Variants in CDH2 observed in about 807,000 individuals in gnomAD.
The protein encoded by CDH2 is cadherin-2.
A neutral mutation model predicts 92.0 loss-of-function variants in CDH2; 17 were observed. That is an observed-to-expected ratio of 0.18 (90% CI 0.13 to 0.28). The LOEUF (loss-of-function observed/expected upper bound fraction) is 0.28. CDH2 is among the 10% of genes least tolerant of loss of function. The pLI is 1.00. For synonymous variants in CDH2, 419 were observed against 415.9 expected, an observed-to-expected ratio of 1.01 and a Z score of -0.09; for missense variants, 862 against 1,133.1, an observed-to-expected ratio of 0.76 and a Z score of 3.44.
At chr18:28,006,899 G>A (rs918920800) in intron 5 of CDH2, among the ~76,000 whole-genome samples, 1 of 151,420 alleles carries the variant, frequency 6.6e-6, no homozygotes, top group Non-Finnish European at 1.5e-5. Context: ...TGGGCACAGT[G>A]AGTAGCTCAT....
chr18:28,051,746 G>A (rs1008590655), intron 2 of CDH2, among the ~76,000 whole-genome samples: 2 of 152,074 alleles, frequency 1.3e-5, no homozygotes, highest in African/African-American at 2.4e-5. Flanking sequence ...AATCTATAGG[G>A]AAACTACATG....
intron 14 of CDH2, among the ~76,000 whole-genome samples, chr18:27,969,460 C>T (rs2011605385): frequency 1.3e-5 from 2 of 152,180 alleles, no homozygotes; most frequent in South Asian, 4.1e-4. Flanking sequence ...TATAGGTTCA[C>T]TCTTTGATGT....
intron 5 of CDH2, among the ~76,000 whole-genome samples, chr18:28,007,942 C>A (rs1253210005): frequency 1.3e-5 from 2 of 152,116 alleles, no homozygotes; most frequent in African/African-American, 4.8e-5. Flanking sequence ...CCATGTTGGC[C>A]AGGCTGGTCT....
chr18:28,081,515 G>A (rs548942283), intron 2 of CDH2, among the ~76,000 whole-genome samples: 37 of 152,300 alleles, frequency 2.4e-4, no homozygotes, highest in Non-Finnish European at 4.6e-4. Flanking sequence ...TAAACTAGCT[G>A]TAATATTTTA....
intron 7 of CDH2, among the ~76,000 whole-genome samples, chr18:28,000,173 G>A (rs1165926375): frequency 6.6e-6 from 1 of 152,158 alleles, no homozygotes; most frequent in African/African-American, 2.4e-5. Context: ...GTGCAATCAC[G>A]GCTCACTGCA....
At chr18:27,955,201 C>T (rs559651295) in intron 15 of CDH2, among the ~76,000 whole-genome samples, 1 of 151,836 alleles carries the variant, frequency 6.6e-6, no homozygotes, top group South Asian at 2.1e-4. Flanking sequence ...ATGTCAACAC[C>T]AAACTGGAAA....
chr18:28,016,066 A>G (rs919676570), intron 2 of CDH2, among the ~76,000 whole-genome samples: 2 of 152,226 alleles, frequency 1.3e-5, no homozygotes, highest in Non-Finnish European at 2.9e-5. Context: ...GGAAGAGTCG[A>G]CCATGATGCC....
At chr18:27,945,323 ATTTTTTTTTTTT>A (rs66537834) in intron 6 of CDH2, among the ~76,000 whole-genome samples, 5 of 66,460 alleles carry the variant, frequency 7.5e-5, no homozygotes, top group African/African-American at 1.2e-4. Flanking sequence ...AGGAAGGAAG[ATTTTTTTTTTTT>A]TTTTTTTTTT....
intron 2 of CDH2, among the ~76,000 whole-genome samples, chr18:28,038,385 T>A (rs1473601291): frequency 6.6e-6 from 1 of 151,870 alleles, no homozygotes; most frequent in Non-Finnish European, 1.5e-5. Context: ...ATTGCATCAC[T>A]GCACTCCAGC....
intron 14 of CDH2, among the ~76,000 whole-genome samples, chr18:27,967,945 T>C (rs914746355): frequency 6.6e-6 from 1 of 152,182 alleles, no homozygotes; most frequent in African/African-American, 2.4e-5. Context: ...AGGCAAATAC[T>C]TCCAAAAACT....
chr18:27,968,173 T>C (rs888271781), intron 14 of CDH2, among the ~76,000 whole-genome samples: 2 of 152,204 alleles, frequency 1.3e-5, no homozygotes, highest in African/African-American at 4.8e-5. Context: ...TGGTATTGCA[T>C]TAATACAAAC....
intron 2 of CDH2, among the ~76,000 whole-genome samples, chr18:28,103,242 ATAAAG>A (rs1269978105): frequency 7.0e-6 from 1 of 143,482 alleles, no homozygotes; most frequent in African/African-American, 2.6e-5. Flanking sequence ...TTATATATAT[ATAAAG>A]TATATATATA....
At chr18:28,108,941 T>G (rs890482977) in intron 2 of CDH2, among the ~76,000 whole-genome samples, 1 of 152,148 alleles carries the variant, frequency 6.6e-6, no homozygotes, top group Non-Finnish European at 1.5e-5. Context: ...AACTCAAGTT[T>G]AGTCATACCT....
chr18:28,044,817 T>C (rs1396572775), intron 2 of CDH2, among the ~76,000 whole-genome samples: 1 of 151,602 alleles, frequency 6.6e-6, no homozygotes, highest in African/African-American at 2.4e-5. Flanking sequence ...CCTAGAATTA[T>C]ACTGAAGATT....
chr18:28,057,639 C>T (rs1464915059), intron 2 of CDH2, among the ~76,000 whole-genome samples: 1 of 151,174 alleles, frequency 6.6e-6, no homozygotes, highest in Non-Finnish European at 1.5e-5. Flanking sequence ...CGCACTGCAG[C>T]CTGGGTGACA....
At chr18:27,958,182 T>A (rs1465936619) in intron 15 of CDH2, among the ~76,000 whole-genome samples, 2 of 152,072 alleles carry the variant, frequency 1.3e-5, no homozygotes, top group African/African-American at 4.8e-5. Context: ...AGCTGTTAGG[T>A]GGGATGGCTA....
In CDH2 at chr18:28,005,886, C is replaced by G; in HGVS notation, c.810G>C (p.Gln270His). ...CCTCAGGAACTGTCCCATTCCAAAC[C>G]TGGTGTAAGAACTCAGGTCTGTTGT... The part of the protein sequence containing the change: ...MNDNRPEFLH[Q>H]VWNGTVPEGS... The change falls in exon 6 of 16, where the codon CAG (glutamine) becomes CAC (histidine). Residue 270 changes from glutamine to histidine, a missense_variant. Transcript: ENST00000269141. The G allele has an allele frequency of 6.2e-7, 1 of 1,613,620 alleles. No homozygotes were observed. Among genetic ancestry groups the G allele is most frequent in the Non-Finnish European group, 8.5e-7 (1 of 1,179,612 alleles).
At chr18:28,166,165 T>TATATATATATATATAC (rs1287861366) in intron 1 of CDH2, among the ~76,000 whole-genome samples, 1 of 138,096 alleles carries the variant, frequency 7.2e-6, no homozygotes, top group Non-Finnish European at 1.6e-5. Context: ...TATATATATA[T>TATATATATATATATAC]ATATATATGT....
intron 7 of CDH2, among the ~76,000 whole-genome samples, chr18:28,000,899 TAA>T (rs2012744451): frequency 2.6e-5 from 4 of 152,022 alleles, no homozygotes; most frequent in Non-Finnish European, 5.9e-5. Context: ...CTAATAGAAA[TAA>T]AAGAATTTCA....
Sources: allele counts gnomAD v4.1 joint callset (sites outside exome capture counted in the v4.1 genomes callset), GRCh38; gene constraint gnomAD v4.1.1; transcripts MANE v1.5; gene names NCBI Gene and HGNC (gene_info 2026-07-23, HGNC 2026-07-21).